The following PKM variants were observed in gnomAD, a reference collection of about 807,000 sequenced individuals.
The protein encoded by PKM is pyruvate kinase M1/2.
PKM carries 18 observed loss-of-function variants against 49.8 expected under a neutral mutation model. That is an observed-to-expected ratio of 0.36 (90% CI 0.25 to 0.54). PKM has a LOEUF of 0.54. PKM is among the 20% of genes least tolerant of loss of function. The pLI is 0.89. For synonymous variants in PKM, 239 were observed against 261.8 expected, an observed-to-expected ratio of 0.91 and a Z score of 0.84; for missense variants, 508 against 713.8, an observed-to-expected ratio of 0.71 and a Z score of 3.28.
Position 72,208,640 on chromosome 15 carries a change from T to C in PKM, c.817A>G (p.Asn273Asp). The stretch of plus-strand genomic sequence containing the variant: ...ACTTGCCTCCGAACCCCCTCATGAT[T>C]CTCGATTTTGCTGATAATCTTGATG... ...KNIKIISKIE[N>D]HEGVRRFDEI... Residue 273 changes from asparagine (N) to aspartate (D), a missense_variant, in exon 6 of 11, where the codon AAT becomes GAT. Transcript: ENST00000335181. 6.2e-7 allele frequency: 1 copy of C among 1,613,980 alleles called. No homozygotes were observed. The highest frequency in any genetic ancestry group is 8.5e-7 in the Non-Finnish European group (1 of 1,179,988).
At chr15:72,227,517 G>A (rs8192362) in intron 1 of PKM, among the ~76,000 whole-genome samples, 96,405 of 151,978 alleles carry the variant, frequency 0.63, 31,867 homozygotes, top group Middle Eastern at 0.74. Flanking sequence ...GGCCGAGGCC[G>A]GTGGATCACC....
At chr15:72,226,926 A>T (rs1289204954) in intron 1 of PKM, among the ~76,000 whole-genome samples, 1 of 152,234 alleles carries the variant, frequency 6.6e-6, no homozygotes, top group African/African-American at 2.4e-5. Context: ...ACCGCACTGC[A>T]TGGTAGGGGC....
At chr15:72,226,922 C>A (rs1308207479) in intron 1 of PKM, among the ~76,000 whole-genome samples, 1 of 152,202 alleles carries the variant, frequency 6.6e-6, no homozygotes, top group African/African-American at 2.4e-5. Context: ...CTTCACCGCA[C>A]TGCATGGTAG....
chr15:72,202,842 G>A lies in PKM; in HGVS notation c.1141-222C>T. 1.4e-6 allele frequency: 1 copy of A among 732,184 alleles called. No homozygotes were observed. The highest frequency in any genetic ancestry group is 2.4e-6 in the Non-Finnish European group (1 of 422,558). 45.4% of individuals were successfully genotyped at this position (732,184 alleles called of 1,614,324 possible). On this transcript the variant is annotated intron_variant, in intron 8 of 10. Transcript: ENST00000335181. The surrounding 1 kb of genome is among the most constrained non-coding windows in gnomAD (Gnocchi z 4.5). The stretch of plus-strand genomic sequence containing the variant: ...TCACCAAGTGCCTGTGACATCTACT[G>A]TGCCTACTGAGCCACAGGACCCTTT...
intron 3 of PKM, among the ~76,000 whole-genome samples, chr15:72,212,408 G>T (rs2082276653): frequency 1.3e-5 from 2 of 151,672 alleles, no homozygotes; most frequent in African/African-American, 4.8e-5. Context: ...CTAGGAGGCA[G>T]AAGTTGCAGT....
Position 72,216,629 on chromosome 15 carries a change from TAAA to T in PKM, c.246+777_246+779del, listed in dbSNP as rs138254889. On this transcript the variant is annotated intron_variant, in intron 3 of 10. Coordinates refer to ENST00000335181, the MANE Select transcript of PKM (RefSeq NM_002654.6). Reference sequence around the variant, plus strand: ...CAGAGCAAAATTTTGTTTTATAAAATAAAAAAATAAATAAGTCATGGTACCTCA... The same window carrying T: ...CAGAGCAAAATTTTGTTTTATAAAATAAAATAAATAAGTCATGGTACCTCA... Among the ~76,000 whole-genome samples the T allele has an allele frequency of 3.7e-4, 56 of 152,080 alleles. No homozygotes were observed. The East Asian group carries it at 9.7e-3, about 26-fold the overall frequency.
intron 8 of PKM, chr15:72,206,252 G>A (rs562474991): frequency 2.1e-4 from 38 of 176,866 alleles, no homozygotes; most frequent in African/African-American, 4.8e-4. Flanking sequence ...CTGCGGGAGC[G>A]CCTGTCTGCA....
chr15:72,216,803 C>T (rs1417746916), intron 3 of PKM, among the ~76,000 whole-genome samples: 1 of 152,182 alleles, frequency 6.6e-6, no homozygotes, highest in African/African-American at 2.4e-5. Context: ...AGCACAAATA[C>T]AGTCCTACTA....
At chr15:72,229,951 G>A (rs2082803188) in intron 1 of PKM, among the ~76,000 whole-genome samples, 1 of 151,822 alleles carries the variant, frequency 6.6e-6, no homozygotes, top group African/African-American at 2.4e-5. Flanking sequence ...GGAAAAGAAA[G>A]AAACGTGCCG....
intron 7 of PKM, 96 bp downstream of exon 7, chr15:72,207,031 G>C (rs368223951): frequency 4.1e-5 from 63 of 1,531,246 alleles, no homozygotes; most frequent in Non-Finnish European, 5.4e-5. Flanking sequence ...TGTTACGTGC[G>C]ACAATTCCAT....
chr15:72,217,402 A>G lies in PKM; in HGVS notation c.246+7T>C. The G allele has an allele frequency of 6.3e-7, 1 of 1,582,338 alleles. No homozygotes were observed. Among genetic ancestry groups the G allele is most frequent in the Non-Finnish European group, 8.7e-7 (1 of 1,151,056 alleles). ...CACAATGGCCATAGGGTCCAGCCACAGCTCACCTCATGAGTTCCATGAGAG... is the reference window on the plus strand; with the variant it reads ...CACAATGGCCATAGGGTCCAGCCACGGCTCACCTCATGAGTTCCATGAGAG... On this transcript the variant is annotated splice_region_variant and intron_variant, in intron 3 of 10. Transcript: ENST00000335181.
chr15:72,206,616 G>A (rs2082085108), intron 8 of PKM, 112 bp downstream of exon 8: 2 of 1,041,828 alleles, frequency 1.9e-6, no homozygotes, highest in Non-Finnish European at 1.5e-6. Flanking sequence ...GGAGGATAAT[G>A]AAAGGCTGTG....
chr15:72,224,737 C>A (rs2082615793), intron 1 of PKM, among the ~76,000 whole-genome samples: 1 of 151,854 alleles, frequency 6.6e-6, no homozygotes, highest in Admixed American at 6.6e-5. Flanking sequence ...CACCTGTAAT[C>A]CCAGCTACTT....
intron 8 of PKM, chr15:72,203,369 G>C: frequency 1.6e-6 from 1 of 621,858 alleles, no homozygotes; most frequent in South Asian, 1.9e-5. Flanking sequence ...AACTGCTTCA[G>C]GAGGTGCTGC....
intron 1 of PKM, among the ~76,000 whole-genome samples, chr15:72,227,775 C>CTGAAAGAAAAAAA (rs2082719266): frequency 2.3e-5 from 1 of 43,464 alleles, no homozygotes; most frequent in Admixed American, 3.4e-4. Flanking sequence ...AAAAAAAAAA[C>CTGAAAGAAAAAAA]AAAAAACTGA....
At position 72,217,433 on chromosome 15, in the gene PKM, C is replaced by A. The variant is rs113982361; in HGVS notation, c.222G>T (p.Leu74=). Residue 74 remains leucine (L), a synonymous_variant, in exon 3 of 11, where the codon CTG becomes CTT. Coordinates refer to ENST00000335181, the MANE Select transcript of PKM (RefSeq NM_002654.6). ...MIKSGMNVAR[L]NFSHGTHEYH... ...CCTCATGAGTTCCATGAGAGAAGTT[C>A]AGACGAGCCACATTCATTCCAGACT... The A allele has an allele frequency of 6.2e-7, 1 of 1,611,638 alleles. No individual in the cohort carries two copies. The highest frequency in any genetic ancestry group is 1.1e-5 in the South Asian group (1 of 91,036).
intron 3 of PKM, among the ~76,000 whole-genome samples, chr15:72,214,989 A>C (rs1443891355): frequency 6.6e-6 from 1 of 152,150 alleles, no homozygotes; most frequent in Non-Finnish European, 1.5e-5. Flanking sequence ...ACCTGAGGTC[A>C]CAAGTTCAAG....
chr15:72,217,306 C>CA (rs8192395), intron 3 of PKM, 103 bp downstream of exon 3: 40,332 of 766,056 alleles, frequency 0.053, 1,665 homozygotes, highest in Admixed American at 0.15. Context: ...CTGTGAAACT[C>CA]AGACTCATCC....
chr15:72,217,092 A>T (rs1469667263), intron 3 of PKM, among the ~76,000 whole-genome samples: 1 of 152,166 alleles, frequency 6.6e-6, no homozygotes, highest in African/African-American at 2.4e-5. Flanking sequence ...CGCTGTGGCC[A>T]GGACACCTAA....
Sources: allele counts gnomAD v4.1 joint callset (sites outside exome capture counted in the v4.1 genomes callset), GRCh38; gene constraint gnomAD v4.1.1; non-coding constraint Gnocchi (gnomAD v3.1); transcripts MANE v1.5; gene names NCBI Gene and HGNC (gene_info 2026-07-23, HGNC 2026-07-21).